The following CARS2 variants were observed in gnomAD, a reference collection of about 807,000 sequenced individuals.
CARS2 encodes the protein probable cysteine--tRNA ligase, mitochondrial.
CARS2 carries 52 observed loss-of-function variants against 68.8 expected under a neutral mutation model. The observed-to-expected ratio is 0.76, with a 90% CI of 0.61 to 0.95. CARS2 has a LOEUF of 0.95. CARS2 is among the 40% of genes least tolerant of loss of function. The probability of loss-of-function intolerance (pLI) is 0.00; values close to 1 mark genes in which losing one functional copy is unlikely to be tolerated. For synonymous variants in CARS2, 314 were observed against 303.6 expected (o/e 1.03, Z -0.36); for missense variants, 780 against 754.2 (o/e 1.03, Z -0.40).
intron 11 of CARS2, 90 bp downstream of exon 11, chr13:110,647,011 G>A (rs1888221136): frequency 1.4e-6 from 2 of 1,419,656 alleles, no homozygotes; most frequent in Middle Eastern, 2.5e-4. Flanking sequence ...CCTGTCTCCT[G>A]GGGGCCCCTC....
exon 1 of CARS2, chr13:110,713,262 A>G: frequency 1.5e-6 from 2 of 1,325,632 alleles, no homozygotes; most frequent in Non-Finnish European, 1.9e-6. Flanking sequence ...GGGGACGAAG[A>G]GTCAGGGGCT....
intron 3 of CARS2, 114 bp from the exon 4 acceptor site, chr13:110,688,132 C>A: frequency 1.6e-6 from 1 of 614,464 alleles, no homozygotes; most frequent in East Asian, 2.9e-5. Context: ...CCGGCCACCT[C>A]CGGTGCCTCG....
intron 13 of CARS2, chr13:110,643,056 T>G: frequency 3.2e-6 from 1 of 311,088 alleles, no homozygotes; most frequent in Middle Eastern, 1.2e-3. Context: ...TAAATCCATG[T>G]GTGTAAAATA....
rs1039834957 is a variant in CARS2, at chr13:110,668,096, A to G, written c.786-623T>C. ...CCGGTGGATTTTCTTAAAATGATAG[A>G]TAGAGAAATTTCTAAGGTGCCAACA... is the stretch of plus-strand genomic sequence containing the variant. On this transcript the variant is annotated intron_variant, in intron 7 of 14. Coordinates refer to ENST00000257347, the MANE Select transcript of CARS2 (RefSeq NM_024537.4). The surrounding 1 kb of genome is among the most constrained non-coding windows in gnomAD (Gnocchi z 4.1). 6.6e-6 allele frequency among the ~76,000 whole-genome samples: 1 copy of G among 152,184 alleles called. No individual in the cohort carries two copies. Among genetic ancestry groups the G allele is most frequent in the Admixed American group, 6.5e-5 (1 of 15,278 alleles).
At chr13:110,646,111 A>G in intron 11 of CARS2, 21 bp from the exon 12 acceptor site, 1 of 1,609,310 alleles carries the variant, frequency 6.2e-7, no homozygotes, top group Non-Finnish European at 8.5e-7. Context: ...AGGAGAGAAC[A>G]GTCACAGCAG....
In CARS2 at chr13:110,676,028, C is replaced by G. The variant is rs1470363076; in HGVS notation, c.785+946G>C. ...AAATTAGCCGGGGTGGTGGCGCATG[C>G]CAGTAATCCCAGCTACTCAGGAGGA... On this transcript the variant is annotated intron_variant, in intron 7 of 14. Transcript: ENST00000257347. The surrounding 1 kb of genome is among the most constrained non-coding windows in gnomAD (Gnocchi z 4.0). 6.6e-6 allele frequency among the ~76,000 whole-genome samples: 1 copy of G among 152,220 alleles called. No individual in the cohort carries two copies. Among genetic ancestry groups the G allele is most frequent in the Non-Finnish European group, 1.5e-5 (1 of 68,034 alleles).
rs559655051 is a variant in CARS2 at position 110,642,863 on chromosome 13, G to A, written c.1417-342C>T. On this transcript the variant is annotated intron_variant, in intron 13 of 14. Coordinates refer to ENST00000257347, the MANE Select transcript of CARS2 (RefSeq NM_024537.4). ...CACGCAATTGTGGCCGAGGTATCAG[G>A]AGCAACCTGAGGATGAGGCTGGGGG... 1,579 of 547,978 alleles carry A rather than the reference G, an allele frequency of 2.9e-3. 34 individuals are homozygous for A. The highest frequency in any genetic ancestry group is 6.0e-4 in the Non-Finnish European group (173 of 288,684). The allele number at this position is 547,978 out of a possible 1,614,324, so 33.9% of individuals were successfully genotyped here. A position where few individuals can be genotyped will look rare whatever the true frequency, so the allele number is the denominator to read the frequency against.
At chr13:110,712,766 GGGAAGAGATAA>G (rs1267266434) in intron 1 of CARS2, 1 of 707,260 alleles carries the variant, frequency 1.4e-6, no homozygotes, top group Non-Finnish European at 2.6e-6. Context: ...GACACAGGGC[GGGAAGAGATAA>G]GGCCTAGGGA....
In CARS2 at chr13:110,673,777, C is replaced by T. The variant is rs1055519019; in HGVS notation, c.785+3197G>A. The stretch of plus-strand genomic sequence containing the variant: ...TAGGAAAAGAAGAAGTCAAATTGTC[C>T]CTGTTTGCAGATGACATGATTGTAT... On this transcript the variant is annotated intron_variant, in intron 7 of 14. Transcript: ENST00000257347. Among the ~76,000 whole-genome samples the T allele has an allele frequency of 2.0e-5, 3 of 151,884 alleles. No homozygotes were observed. In the East Asian group the frequency reaches 5.8e-4, roughly 29 times the overall value.
At chr13:110,663,766 G>C in intron 8 of CARS2, 1 of 1,254,592 alleles carries the variant, frequency 8.0e-7, no homozygotes, top group African/African-American at 1.5e-5. Context: ...GGGTGCCCCA[G>C]CTGACTCAGA....
Position 110,642,093 on chromosome 13 carries a change from C to T in CARS2, c.1623+222G>A, listed in dbSNP as rs535901771. Among the ~76,000 whole-genome samples the T allele has an allele frequency of 3.6e-4, 55 of 152,236 alleles. 1 individual carries two copies. The highest frequency in any genetic ancestry group is 1.2e-3 in the African/African-American group (50 of 41,538). On this transcript the variant is annotated intron_variant, in intron 14 of 14. Coordinates refer to ENST00000257347, the MANE Select transcript of CARS2 (RefSeq NM_024537.4). The stretch of plus-strand genomic sequence containing the variant: ...GTGCATGCCTGTAATCCTAGCTACT[C>T]AGGAGGCTGAGGCAGGAGAATCGCT...
intron 7 of CARS2, among the ~76,000 whole-genome samples, chr13:110,674,352 C>G (rs950582628): frequency 4.0e-5 from 6 of 151,686 alleles, no homozygotes; most frequent in Non-Finnish European, 7.4e-5. Flanking sequence ...CAGCATGGTA[C>G]TGGTACCAAA....
intron 8 of CARS2, chr13:110,664,946 A>G (rs2062608246): frequency 4.3e-6 from 4 of 936,188 alleles, no homozygotes; most frequent in Non-Finnish European, 5.1e-6. Context: ...GCTGTTGTTC[A>G]TAACACGCCC....
intron 3 of CARS2, among the ~76,000 whole-genome samples, chr13:110,690,369 G>C (rs559452790): frequency 6.6e-6 from 1 of 152,184 alleles, no homozygotes; most frequent in South Asian, 2.1e-4. Flanking sequence ...AAAATACAGC[G>C]ACCAGTTTTC....
chr13:110,663,599 C>T (rs943862325), intron 8 of CARS2, 81 bp from the exon 9 acceptor site: 69 of 1,568,170 alleles, frequency 4.4e-5, no homozygotes, highest in African/African-American at 1.9e-4. Context: ...CCCCAGGAAA[C>T]GAATGGGAAC....
chr13:110,707,466 G>A (rs2139952924), upstream of CARS2: 1 of 152,250 alleles, frequency 6.6e-6, no homozygotes, highest in Non-Finnish European at 1.5e-5. Flanking sequence ...GACCAATATG[G>A]TGAAACCCCG....
intron 3 of CARS2, among the ~76,000 whole-genome samples, chr13:110,690,728 G>C (rs1236626423): frequency 2.6e-5 from 4 of 152,210 alleles, no homozygotes; most frequent in Non-Finnish European, 5.9e-5. Flanking sequence ...CATGGACTTG[G>C]CCGCTCCTGC....
At chr13:110,706,315 C>T, upstream of CARS2, 1 of 309,224 alleles carries the variant, frequency 3.2e-6, no homozygotes, top group East Asian at 5.6e-5. Context: ...GGGGAAGGCC[C>T]GGGGTGGAGG....
Position 110,677,024 on chromosome 13 carries a change from G to A in CARS2, c.735C>T (p.Pro245=), listed in dbSNP as rs1361892556. The part of the protein sequence containing the change: ...AKPQEVFWAS[P]WGPGRPGWHI... ...GCCAGCCCGGCCTCCCGGGTCCCCA[G>A]GGAGAGGCCCAGAACACCTCCTGGG... The change falls in exon 7 of 15, where the codon CCC becomes CCT. Residue 245 remains proline, a synonymous_variant. Coordinates refer to ENST00000257347, the MANE Select transcript of CARS2 (RefSeq NM_024537.4). The A allele has an allele frequency of 1.2e-6, 2 of 1,605,086 alleles. No individual in the cohort carries two copies. The highest frequency in any genetic ancestry group is 8.5e-7 in the Non-Finnish European group (1 of 1,173,162).
Sources: gnomAD v4.1 joint callset for allele counts (sites outside exome capture counted in the v4.1 genomes callset) on GRCh38, gnomAD v4.1.1 for gene constraint, Gnocchi (gnomAD v3.1) non-coding constraint, MANE v1.5 for transcripts, NCBI Gene and HGNC (gene_info 2026-07-23, HGNC 2026-07-21) for gene names.